CCDC30: variants seen among roughly 807,000 people sequenced by gnomAD.
The protein encoded by CCDC30 is coiled-coil domain-containing protein 30.
Under a neutral mutation model 100.2 loss-of-function variants are expected in CCDC30, and 70 were observed. The ratio of observed to expected loss-of-function variants is 0.70; its 90% CI spans 0.58 to 0.85. CCDC30 has a LOEUF of 0.85. Ranked by LOEUF, CCDC30 falls within the 40% of genes least tolerant of loss-of-function variation. The pLI, the probability that CCDC30 is intolerant of heterozygous loss-of-function variation, is 0.00. For missense variants in CCDC30, 652 were observed against 771.2 expected, an observed-to-expected ratio of 0.85 and a Z score of 1.83; for synonymous variants, 233 against 269.5, an observed-to-expected ratio of 0.86 and a Z score of 1.33.
At chr1:42,648,597 G>A (rs1034814370) in intron 15 of CCDC30, among the ~76,000 whole-genome samples, 2 of 152,130 alleles carry the variant, frequency 1.3e-5, no homozygotes, top group African/African-American at 4.8e-5. Flanking sequence ...TTGAACTTGG[G>A]AGGTGGAGGT....
At chr1:42,644,795 T>G (rs149238496) in exon 14 of CCDC30, 30 of 1,607,652 alleles carry the variant, frequency 1.9e-5, no homozygotes, top group Non-Finnish European at 2.6e-5. Context: ...GCATCCATAT[T>G]CGCAGAGGAG....
chr1:42,507,582 C>T (rs147212698), intron 6 of CCDC30, among the ~76,000 whole-genome samples: 1 of 152,226 alleles, frequency 6.6e-6, no homozygotes, highest in East Asian at 1.9e-4. Context: ...ACATATTTTA[C>T]TGTTTTTACA....
At chr1:42,592,153 G>A (rs1646198924) in intron 10 of CCDC30, 1 of 152,196 alleles carries the variant, frequency 6.6e-6, no homozygotes, top group South Asian at 2.1e-4. Context: ...ATGCTGGAAT[G>A]AGTTAAGACT....
At chr1:42,619,658 G>A (rs1313127349) in intron 11 of CCDC30, among the ~76,000 whole-genome samples, 1 of 152,158 alleles carries the variant, frequency 6.6e-6, no homozygotes, top group East Asian at 1.9e-4. Flanking sequence ...AGCCCTCAGA[G>A]AGAATAGATA....
chr1:42,566,457 TC>T lies in CCDC30; in HGVS notation c.619del (p.Gln207ArgfsTer7), dbSNP rs1258415111. The stretch of plus-strand genomic sequence containing the variant: ...ACTTAAAGCAACATAATAGCTTACT[TC>T]AGGAAGAAAACATTAAGGTAACTCT... On this transcript the variant is annotated frameshift_variant, in exon 7 of 17. Transcript: ENST00000668663. LOFTEE classifies it high-confidence loss of function. The T allele has an allele frequency of 1.9e-5, 31 of 1,613,324 alleles. No individual in the cohort carries two copies. The highest frequency in any genetic ancestry group is 2.7e-5 in the African/African-American group (2 of 74,902).
At chr1:42,558,963 G>A (rs548115679) in intron 6 of CCDC30, among the ~76,000 whole-genome samples, 2 of 152,268 alleles carry the variant, frequency 1.3e-5, no homozygotes, top group East Asian at 3.9e-4. Flanking sequence ...AACTCTACAA[G>A]CCAGAAGAGA....
chr1:42,644,668 T>C, intron 13 of CCDC30, 25 bp from the exon 18 acceptor site: 1 of 1,353,586 alleles, frequency 7.4e-7, no homozygotes, highest in South Asian at 1.2e-5. Flanking sequence ...TCTCTAATCA[T>C]GCCACTGATT....
intron 6 of CCDC30, among the ~76,000 whole-genome samples, chr1:42,543,125 C>G (rs1186106995): frequency 6.6e-6 from 1 of 151,920 alleles, no homozygotes; most frequent in Non-Finnish European, 1.5e-5. Context: ...AGGCACCTGC[C>G]ACCACGCCCA....
intron 9 of CCDC30, among the ~76,000 whole-genome samples, chr1:42,583,079 CT>C (rs1248579394): frequency 6.6e-6 from 1 of 152,060 alleles, no homozygotes; most frequent in Non-Finnish European, 1.5e-5. Flanking sequence ...TATTTTTTTT[CT>C]TTGTAAATTG....
At chr1:42,640,842 C>T (rs1178608232) in intron 12 of CCDC30, among the ~76,000 whole-genome samples, 1 of 151,658 alleles carries the variant, frequency 6.6e-6, no homozygotes, top group Non-Finnish European at 1.5e-5. Context: ...TGCAGTGAGC[C>T]GAGATTGCAC....
rs1029801419 is a variant in CCDC30 at position 42,469,291 on chromosome 1, A to G, written c.-92+5393A>G. ...TAGCTCCTCATGAGGCTGAGTCAGG[A>G]GGATCACTAGAGCGCAGGAGTTTGA... On this transcript the variant is annotated intron_variant, in intron 1 of 16. Coordinates refer to ENST00000668663, the Ensembl canonical transcript of CCDC30. 7.2e-5 allele frequency among the ~76,000 whole-genome samples: 11 copies of G among 152,338 alleles called. No homozygotes were observed. In the East Asian group the frequency reaches 2.1e-3, roughly 29 times the overall value.
intron 11 of CCDC30, among the ~76,000 whole-genome samples, chr1:42,629,774 C>T (rs1428305833): frequency 6.7e-6 from 1 of 150,176 alleles, no homozygotes; most frequent in Non-Finnish European, 1.5e-5. Context: ...TGCCACCACA[C>T]CCAGCTAATT....
At chr1:42,569,199 C>G (rs951910218) in intron 7 of CCDC30, 1 of 152,042 alleles carries the variant, frequency 6.6e-6, no homozygotes, top group Non-Finnish European at 1.5e-5. Flanking sequence ...AGGGAACCTA[C>G]AGAATGGGAG....
intron 11 of CCDC30, among the ~76,000 whole-genome samples, chr1:42,635,545 G>C (rs908403042): frequency 6.6e-6 from 1 of 151,930 alleles, no homozygotes; most frequent in Non-Finnish European, 1.5e-5. Flanking sequence ...TGTGGTGGCT[G>C]GCGCCTGTAA....
chr1:42,582,054 T>C (rs566655866), intron 9 of CCDC30, among the ~76,000 whole-genome samples: 3 of 131,948 alleles, frequency 2.3e-5, no homozygotes, highest in African/African-American at 9.0e-5. Context: ...AGTCTTTGTC[T>C]ATACCAAAAA....
intron 10 of CCDC30, among the ~76,000 whole-genome samples, chr1:42,610,250 G>A (rs1646591273): frequency 1.3e-5 from 2 of 152,290 alleles, no homozygotes; most frequent in South Asian, 2.1e-4. Flanking sequence ...CTAGTGACAA[G>A]ACTATATCAC....
intron 6 of CCDC30, chr1:42,537,282 G>T: frequency 2.2e-6 from 1 of 455,982 alleles, no homozygotes; most frequent in Non-Finnish European, 4.4e-6. Flanking sequence ...TATGAAAAGA[G>T]ACCTGGAAGT....
At chr1:42,461,631 C>T (rs1643414359), upstream of CCDC30, among the ~76,000 whole-genome samples, 1 of 151,398 alleles carries the variant, frequency 6.6e-6, no homozygotes, top group East Asian at 1.9e-4. Context: ...ACTGCAAGCT[C>T]TGCCTCCCGG....
chr1:42,523,200 G>A (rs186375758), intron 6 of CCDC30, among the ~76,000 whole-genome samples: 1 of 152,248 alleles, frequency 6.6e-6, no homozygotes, highest in East Asian at 1.9e-4. Flanking sequence ...ATGGCTTTGG[G>A]TTGTTGTCTA....
Sources: allele counts gnomAD v4.1 joint callset (sites outside exome capture counted in the v4.1 genomes callset), GRCh38; gene constraint gnomAD v4.1.1; transcripts MANE v1.5; gene names NCBI Gene and HGNC (gene_info 2026-07-23, HGNC 2026-07-21).